Variants in ZNF385D observed in about 807,000 individuals in gnomAD.
The protein encoded by ZNF385D is zinc finger protein 385D, also known as zinc finger protein 659.
Under a neutral mutation model 35.8 loss-of-function variants are expected in ZNF385D, and 15 were observed. That is an observed-to-expected ratio of 0.42 (90% CI 0.28 to 0.64). ZNF385D has a LOEUF of 0.64. Among genes scored for constraint, ZNF385D ranks in the 30% least tolerant of loss-of-function variants. The pLI is 0.23. For missense variants in ZNF385D, 474 were observed against 494.6 expected, an observed-to-expected ratio of 0.96 and a Z score of 0.39; for synonymous variants, 212 against 186.8, an observed-to-expected ratio of 1.13 and a Z score of -1.10.
At chr3:21,972,520 A>G (rs1703326899) in intron 3 of ZNF385D, among the ~76,000 whole-genome samples, 1 of 152,010 alleles carries the variant, frequency 6.6e-6, no homozygotes. Flanking sequence ...GGTGTATTTT[A>G]GAGAAGTAGA....
At chr3:21,826,039 C>A (rs987184920) in intron 3 of ZNF385D, among the ~76,000 whole-genome samples, 3 of 152,116 alleles carry the variant, frequency 2.0e-5, no homozygotes, top group African/African-American at 7.2e-5. Context: ...TTCCCCTCAA[C>A]CCCCCACCAG....
intron 3 of ZNF385D, among the ~76,000 whole-genome samples, chr3:22,069,623 GAATA>G (rs1375561278): frequency 6.6e-6 from 1 of 152,096 alleles, no homozygotes; most frequent in African/African-American, 2.4e-5. Flanking sequence ...TGGCCTCTAA[GAATA>G]AATACATTCT....
At chr3:21,947,343 C>CTATTTATT (rs1701841744) in intron 3 of ZNF385D, among the ~76,000 whole-genome samples, 1 of 128,294 alleles carries the variant, frequency 7.8e-6, no homozygotes, top group Non-Finnish European at 1.6e-5. Flanking sequence ...ATGTATTTTA[C>CTATTTATT]TAGTTATTTA....
intron 2 of ZNF385D, among the ~76,000 whole-genome samples, chr3:22,279,503 C>CAT (rs1469996471): frequency 2.2e-5 from 3 of 136,298 alleles, no homozygotes; most frequent in African/African-American, 9.4e-5. Context: ...TACATATGTA[C>CAT]ATATATATGT....
chr3:21,424,317 A>ATATATATTTT (rs1221923155), intron 6 of ZNF385D, among the ~76,000 whole-genome samples: 103 of 63,798 alleles, frequency 1.6e-3, no homozygotes, highest in African/African-American at 6.1e-3. Context: ...ATATATATAT[A>ATATATATTTT]TTTTTTTTTT....
intron 4 of ZNF385D, among the ~76,000 whole-genome samples, chr3:21,485,251 T>C (rs1309599550): frequency 6.6e-6 from 1 of 152,210 alleles, no homozygotes; most frequent in Non-Finnish European, 1.5e-5. Flanking sequence ...CTCAGGAAGA[T>C]GCCTTCTAAA....
At position 21,831,885 on chromosome 3, in the gene ZNF385D, A is replaced by T. The variant is rs573647485; in HGVS notation, c.326-166857T>A. 3.9e-5 allele frequency among the ~76,000 whole-genome samples: 6 copies of T among 152,304 alleles called. No homozygotes were observed. The South Asian group carries it at 1.2e-3, about 32-fold the overall frequency. On this transcript the variant is annotated intron_variant, in intron 3 of 5. Transcript: ENST00000494108. ...GATATCAAAATAAGCTGCAGTTTGA[A>T]AATATTAAAAGAAGCTTAGAGACAT...
chr3:22,334,826 G>A (rs998341688), intron 2 of ZNF385D, among the ~76,000 whole-genome samples: 1 of 151,984 alleles, frequency 6.6e-6, no homozygotes, highest in African/African-American at 2.4e-5. Context: ...AGGACTACTT[G>A]AATCTGTAGA....
intron 5 of ZNF385D, among the ~76,000 whole-genome samples, chr3:21,433,545 T>C (rs1701403816): frequency 6.6e-6 from 1 of 152,128 alleles, no homozygotes; most frequent in Non-Finnish European, 1.5e-5. Context: ...CAGAGAAGTG[T>C]TTCTGAAGCA....
intron 2 of ZNF385D, among the ~76,000 whole-genome samples, chr3:21,573,100 A>G (rs924667448): frequency 2.6e-4 from 40 of 152,184 alleles, no homozygotes; most frequent in Admixed American, 2.6e-3. Context: ...CCATCACACA[A>G]TATTTTCTTT....
At chr3:21,625,277 C>T (rs1386525635) in intron 2 of ZNF385D, among the ~76,000 whole-genome samples, 1 of 151,950 alleles carries the variant, frequency 6.6e-6, no homozygotes, top group Non-Finnish European at 1.5e-5. Context: ...ATTTTACGTG[C>T]TTTTGCCGTT....
At chr3:21,638,217 A>T (rs1331099250) in intron 2 of ZNF385D, among the ~76,000 whole-genome samples, 2 of 152,086 alleles carry the variant, frequency 1.3e-5, no homozygotes, top group South Asian at 2.1e-4. Context: ...GTTGAGACAG[A>T]ATTCTCCATG....
chr3:22,140,471 T>C lies in ZNF385D; in HGVS notation c.325+28346A>G, dbSNP rs142701105. On this transcript the variant is annotated intron_variant, in intron 3 of 5. Coordinates refer to the ZNF385D transcript ENST00000494108. ...GGAGTAGAGCAATTGTGTATCCCGG[T>C]TGTGGGCATGGTTATGAAAATGTAT... Among the ~76,000 whole-genome samples the C allele has an allele frequency of 2.8e-3, 432 of 152,294 alleles. 1 individual carries two copies. The highest frequency in any genetic ancestry group is 9.9e-3 in the African/African-American group (412 of 41,560).
chr3:21,654,827 T>G (rs987075313), intron 2 of ZNF385D, among the ~76,000 whole-genome samples: 2 of 152,064 alleles, frequency 1.3e-5, no homozygotes, highest in African/African-American at 4.8e-5. Context: ...TCAGTATGGG[T>G]CTGTGTACCA....
In ZNF385D at chr3:22,215,471, G is replaced by A. The variant is rs185234642; in HGVS notation, c.107-46436C>T. Among the ~76,000 whole-genome samples the A allele has an allele frequency of 1.2e-4, 18 of 152,016 alleles. No individual in the cohort carries two copies. The East Asian group carries it at 2.7e-3, about 23-fold the overall frequency. On this transcript the variant is annotated intron_variant, in intron 2 of 5. Transcript: ENST00000494108. ...CTTCAGGGGGCGGCCGTCTTTTATG[G>A]TCGAGCTGTAAGGATGAAATAAGCC...
At chr3:22,004,978 C>T (rs899826769) in intron 3 of ZNF385D, among the ~76,000 whole-genome samples, 8 of 124,598 alleles carry the variant, frequency 6.4e-5, no homozygotes, top group African/African-American at 2.4e-4. Flanking sequence ...TTAGCTTTGG[C>T]AAAATAAACT....
At chr3:21,759,195 T>C (rs960594212) in intron 3 of ZNF385D, among the ~76,000 whole-genome samples, 5 of 152,144 alleles carry the variant, frequency 3.3e-5, no homozygotes, top group South Asian at 2.1e-4. Flanking sequence ...TGGTAAAAGA[T>C]GATATTATGA....
intron 3 of ZNF385D, among the ~76,000 whole-genome samples, chr3:21,562,397 A>G (rs1038026680): frequency 3.9e-5 from 6 of 152,104 alleles, no homozygotes; most frequent in African/African-American, 1.2e-4. Flanking sequence ...CACTCCAAAA[A>G]TAGAACCACT....
At chr3:22,276,512 A>C (rs557259812) in intron 2 of ZNF385D, among the ~76,000 whole-genome samples, 103 of 152,266 alleles carry the variant, frequency 6.8e-4, no homozygotes, top group African/African-American at 2.3e-3. Context: ...CAATGCACCT[A>C]AAGGTGCTAA....
Sources: gnomAD v4.1 joint callset for allele counts (sites outside exome capture counted in the v4.1 genomes callset) on GRCh38, gnomAD v4.1.1 for gene constraint, MANE v1.5 for transcripts, NCBI Gene and HGNC (gene_info 2026-07-23, HGNC 2026-07-21) for gene names.